The following PLSCR2 variants were observed in gnomAD, a reference collection of about 807,000 sequenced individuals.
The protein encoded by PLSCR2 is PL scramblase 2.
Under a neutral mutation model 25.3 loss-of-function variants are expected in PLSCR2, and 18 were observed. The ratio of observed to expected loss-of-function variants is 0.71; its 90% confidence interval spans 0.49 to 1.06. The LOEUF is 1.06. PLSCR2 is among the 50% of genes least tolerant of loss of function. The pLI is 0.00. For synonymous variants in PLSCR2, 88 were observed against 87.3 expected (o/e 1.01, Z -0.04); for missense variants, 243 against 269.5 (o/e 0.90, Z 0.69).
At chr3:146,463,384 T>C (rs1340975856), upstream of PLSCR2, among the ~76,000 whole-genome samples, 1 of 152,134 alleles carries the variant, frequency 6.6e-6, no homozygotes, top group Non-Finnish European at 1.5e-5. Flanking sequence ...CTTGATCTCC[T>C]GACCTCGTGA....
intron 2 of PLSCR2, among the ~76,000 whole-genome samples, chr3:146,404,724 C>T (rs1393012024): frequency 6.7e-6 from 1 of 148,420 alleles, no homozygotes; most frequent in Non-Finnish European, 1.5e-5. Context: ...AGCTACTACC[C>T]TATGAAATTA....
downstream of PLSCR2, among the ~76,000 whole-genome samples, chr3:146,436,944 A>T (rs1486879072): frequency 6.6e-6 from 1 of 152,082 alleles, no homozygotes; most frequent in Non-Finnish European, 1.5e-5. Flanking sequence ...TTTGAGATAC[A>T]TCCCATCAAT....
downstream of PLSCR2, among the ~76,000 whole-genome samples, chr3:146,431,035 G>A (rs565930921): frequency 4.6e-5 from 7 of 152,224 alleles, no homozygotes; most frequent in East Asian, 1.4e-3. Flanking sequence ...TCCTCTCCTG[G>A]GTGTTAGGCC....
At chr3:146,467,209 G>A (rs1194693526) in intron 1 of PLSCR2, among the ~76,000 whole-genome samples, 1 of 152,052 alleles carries the variant, frequency 6.6e-6, no homozygotes, top group Non-Finnish European at 1.5e-5. Flanking sequence ...AGCTTATTTT[G>A]TTTTTCAAGG....
At chr3:146,418,356 C>T (rs139858838) in intron 2 of PLSCR2, among the ~76,000 whole-genome samples, 1 of 152,082 alleles carries the variant, frequency 6.6e-6, no homozygotes, top group East Asian at 1.9e-4. Context: ...GCTGAAACAT[C>T]CAAAATCTCA....
chr3:146,423,234 CCTCTCTCTCTCTCTCTCTCT>C (rs200145864), intron 2 of PLSCR2, among the ~76,000 whole-genome samples: 29 of 53,478 alleles, frequency 5.4e-4, no homozygotes, highest in African/African-American at 1.6e-3. Flanking sequence ...CCTTGCAGTG[CCTCTCTCTCTCTCTCTCTCT>C]CTCTCTCTCT....
intron 1 of PLSCR2, among the ~76,000 whole-genome samples, chr3:146,485,029 TATTCA>T (rs1342612303): frequency 4.2e-4 from 64 of 151,824 alleles, no homozygotes; most frequent in Non-Finnish European, 8.1e-4. Flanking sequence ...TGGTGTGCTG[TATTCA>T]GGAGACCTAT....
intron 1 of PLSCR2, chr3:146,494,781 G>A (rs1427713480): frequency 6.6e-6 from 1 of 152,140 alleles, no homozygotes; most frequent in Non-Finnish European, 1.5e-5. Flanking sequence ...ATATGATTTT[G>A]CATTATGCTT....
downstream of PLSCR2, among the ~76,000 whole-genome samples, chr3:146,432,279 G>A (rs972931559): frequency 6.6e-6 from 1 of 151,922 alleles, no homozygotes; most frequent in Non-Finnish European, 1.5e-5. Flanking sequence ...ATCATTACTT[G>A]AGCACCTCCT....
chr3:146,459,245 G>A (rs1347515601), intron 2 of PLSCR2, among the ~76,000 whole-genome samples: 2 of 152,020 alleles, frequency 1.3e-5, no homozygotes, highest in Admixed American at 1.3e-4. Flanking sequence ...CTAATTGTAA[G>A]AAAAAATGAG....
At chr3:146,394,256 A>ATTTCT (rs200686563) in intron 3 of PLSCR2, among the ~76,000 whole-genome samples, 6,090 of 151,592 alleles carry the variant, frequency 0.04, 163 homozygotes, top group Admixed American at 0.085. Context: ...CAATTTAACA[A>ATTTCT]TTTCTTTTCT....
At chr3:146,424,888 C>T (rs573639511) in intron 2 of PLSCR2, among the ~76,000 whole-genome samples, 1 of 78,242 alleles carries the variant, frequency 1.3e-5, no homozygotes, top group African/African-American at 4.3e-5. Context: ...AGTAGTGATG[C>T]TGGCAATACA....
intron 8 of PLSCR2, among the ~76,000 whole-genome samples, chr3:146,434,840 T>C (rs1285400027): frequency 2.6e-5 from 4 of 152,068 alleles, no homozygotes; most frequent in African/African-American, 4.8e-5. Flanking sequence ...GTTACATATG[T>C]ATACATGAGC....
intron 1 of PLSCR2, among the ~76,000 whole-genome samples, chr3:146,467,138 A>C (rs2041908029): frequency 6.6e-6 from 1 of 152,212 alleles, no homozygotes; most frequent in African/African-American, 2.4e-5. Flanking sequence ...GTACATACAT[A>C]TATCCACATA....
chr3:146,484,683 C>A (rs2043278830), intron 1 of PLSCR2, among the ~76,000 whole-genome samples: 1 of 152,020 alleles, frequency 6.6e-6, no homozygotes, highest in Non-Finnish European at 1.5e-5. Flanking sequence ...TTATTTCTGG[C>A]CAAACTAAGC....
chr3:146,432,927 T>C (rs2039604062), downstream of PLSCR2, among the ~76,000 whole-genome samples: 1 of 152,178 alleles, frequency 6.6e-6, no homozygotes, highest in South Asian at 2.1e-4. Flanking sequence ...TGATTGCAAA[T>C]AAATTTTTTT....
chr3:146,439,123 A>G (rs558101875), downstream of PLSCR2, among the ~76,000 whole-genome samples: 674 of 152,334 alleles, frequency 4.4e-3, 5 homozygotes, highest in Non-Finnish European at 6.5e-3. Context: ...TCTGGCTTGT[A>G]GAGTTTCTGC....
At chr3:146,463,621 A>C (rs2041730119), upstream of PLSCR2, among the ~76,000 whole-genome samples, 1 of 152,148 alleles carries the variant, frequency 6.6e-6, no homozygotes, top group Non-Finnish European at 1.5e-5. Context: ...ATTACAATGA[A>C]CACATCGGGC....
Position 146,492,823 on chromosome 3 carries a change from G to A in PLSCR2, c.-293+3072C>T, listed in dbSNP as rs559564297. 2.0e-5 allele frequency among the ~76,000 whole-genome samples: 3 copies of A among 152,070 alleles called. No homozygotes were observed. In the East Asian group the frequency reaches 5.8e-4, roughly 29 times the overall value. On this transcript the variant is annotated intron_variant, in intron 1 of 8. Transcript: ENST00000336685. ...ACCAGAGCTAATTGAATGAATATGA[G>A]ATGTGAAAAACCATACAAAAGATTA... is the stretch of plus-strand genomic sequence containing the variant.
Sources: gnomAD v4.1 joint callset for allele counts (sites outside exome capture counted in the v4.1 genomes callset) on GRCh38, gnomAD v4.1.1 for gene constraint, MANE v1.5 for transcripts, NCBI Gene and HGNC (gene_info 2026-07-23, HGNC 2026-07-21) for gene names.